Variants in DOCK5 observed in about 807,000 individuals in gnomAD.
The protein encoded by DOCK5 is dedicator of cytokinesis protein 5.
DOCK5 carries 142 observed loss-of-function variants against 251.8 expected under a neutral mutation model. That is an observed-to-expected ratio of 0.56 (90% CI 0.49 to 0.65). DOCK5 has a LOEUF of 0.65. Among genes scored for constraint, DOCK5 ranks in the 30% least tolerant of loss-of-function variants. The pLI is 0.00. For missense variants in DOCK5, 2,111 were observed against 2,312.3 expected (o/e 0.91, Z 1.79); for synonymous variants, 842 against 835.5 (o/e 1.01, Z -0.13).
chr8:25,213,684 A>C (rs1802159582), intron 1 of DOCK5, among the ~76,000 whole-genome samples: 2 of 152,242 alleles, frequency 1.3e-5, no homozygotes, highest in African/African-American at 4.8e-5. Flanking sequence ...GAAAAGCAGT[A>C]ATGCAAATTA....
intron 1 of DOCK5, among the ~76,000 whole-genome samples, chr8:25,206,042 G>A (rs1429781188): frequency 6.6e-6 from 1 of 152,198 alleles, no homozygotes; most frequent in East Asian, 1.9e-4. Flanking sequence ...GGTTATTGGA[G>A]TTTAGAGAAG....
intron 27 of DOCK5, among the ~76,000 whole-genome samples, chr8:25,353,840 A>G (rs1473168553): frequency 1.3e-5 from 2 of 151,968 alleles, no homozygotes; most frequent in Non-Finnish European, 1.5e-5. Flanking sequence ...CCTGGCCAAC[A>G]TGGTGAAACT....
chr8:25,374,776 G>T, intron 37 of DOCK5, 122 bp downstream of exon 37: 1 of 1,583,608 alleles, frequency 6.3e-7, no homozygotes. Flanking sequence ...TTTTATACAA[G>T]TTTTTTTAGT....
intron 23 of DOCK5, 31 bp from the exon 24 acceptor site, chr8:25,341,708 A>C: frequency 5.2e-6 from 8 of 1,551,280 alleles, no homozygotes; most frequent in Non-Finnish European, 7.0e-6. Context: ...TTGCCTGGCA[A>C]CTGAATTTGC....
chr8:25,295,004 C>T (rs754653885), intron 6 of DOCK5, among the ~76,000 whole-genome samples: 2 of 152,186 alleles, frequency 1.3e-5, no homozygotes, highest in Admixed American at 1.3e-4. Context: ...CCAGGCCCCA[C>T]TTCCAACATT....
intron 14 of DOCK5, among the ~76,000 whole-genome samples, chr8:25,318,697 T>C (rs1326083716): frequency 1.3e-5 from 2 of 149,112 alleles, no homozygotes; most frequent in Non-Finnish European, 3.0e-5. Flanking sequence ...TCAAAGAGGA[T>C]AGGCAGGAGG....
intron 9 of DOCK5, among the ~76,000 whole-genome samples, chr8:25,301,189 G>A (rs1369439324): frequency 1.3e-5 from 2 of 152,266 alleles, no homozygotes; most frequent in East Asian, 1.9e-4. Context: ...TATAGAGTTC[G>A]GTACTGTCTT....
At chr8:25,275,844 AT>A (rs1804032710) in intron 4 of DOCK5, among the ~76,000 whole-genome samples, 1 of 152,170 alleles carries the variant, frequency 6.6e-6, no homozygotes. Flanking sequence ...TCAAAAAAAA[AT>A]AAAATTAAAA....
chr8:25,226,617 G>A (rs569831114), intron 1 of DOCK5, among the ~76,000 whole-genome samples: 1 of 145,012 alleles, frequency 6.9e-6, no homozygotes, highest in Non-Finnish European at 1.5e-5. Context: ...AGAGAGTCTC[G>A]CTGTGTTCCC....
chr8:25,207,676 T>C (rs1009721218), intron 1 of DOCK5, among the ~76,000 whole-genome samples: 1 of 152,204 alleles, frequency 6.6e-6, no homozygotes, highest in Non-Finnish European at 1.5e-5. Flanking sequence ...AAAAAGAAGA[T>C]TCCTTGATTC....
intron 31 of DOCK5, 43 bp downstream of exon 31, chr8:25,367,013 C>A: frequency 6.7e-7 from 1 of 1,501,806 alleles, no homozygotes; most frequent in Non-Finnish European, 9.2e-7. Context: ...GGGCTTCTTC[C>A]ATTTGTTTAC....
In DOCK5 at chr8:25,351,840, TG is replaced by T. The variant is rs765824216; in HGVS notation, c.2850+15del. On this transcript the variant is annotated intron_variant, in intron 27 of 51. Transcript: ENST00000276440. Reference sequence around the variant, plus strand: ...TCTCCCCACATCGTGAGTATCTCTTTGTTGGATCCCACGGCCGCTGCTGTTT... The same window carrying T: ...TCTCCCCACATCGTGAGTATCTCTTTTTGGATCCCACGGCCGCTGCTGTTT... 1.9e-6 allele frequency: 3 copies of T among 1,610,510 alleles called. No homozygotes were observed. Among genetic ancestry groups the T allele is most frequent in the Non-Finnish European group, 2.5e-6 (3 of 1,177,394 alleles).
chr8:25,346,142 G>A lies in DOCK5; in HGVS notation c.2754+531G>A, dbSNP rs182529430. Among the ~76,000 whole-genome samples, 179 of 148,342 alleles carry A rather than the reference G, an allele frequency of 1.2e-3. 1 individual carries two copies. Among genetic ancestry groups the A allele is most frequent in the African/African-American group, 3.9e-3 (158 of 40,750 alleles). ...TGGGATTACAGGCATGAGCCATCGC[G>A]CCCAGCCCCTGTGACTATTCTTAAG... On this transcript the variant is annotated intron_variant, in intron 26 of 51. Coordinates refer to ENST00000276440, the MANE Select transcript of DOCK5 (RefSeq NM_024940.8).
chr8:25,186,237 C>T (rs1429608626), intron 1 of DOCK5, among the ~76,000 whole-genome samples: 1 of 151,682 alleles, frequency 6.6e-6, no homozygotes, highest in African/African-American at 2.4e-5. Flanking sequence ...TTTTGTTTTC[C>T]CTCAATTCAA....
At chr8:25,373,788 T>C in intron 36 of DOCK5, 130 bp downstream of exon 36, 2 of 819,760 alleles carry the variant, frequency 2.4e-6, no homozygotes, top group South Asian at 3.4e-5. Context: ...CATGATACGC[T>C]CCATTCACCC....
chr8:25,199,233 G>C lies in DOCK5; in HGVS notation c.43+14282G>C, dbSNP rs146750832. The stretch of plus-strand genomic sequence containing the variant: ...GAAAGGGTCATGTATTGCTAATAAA[G>C]GATTATGTTAGTAACCTGGATGTGA... On this transcript the variant is annotated intron_variant, in intron 1 of 51. Transcript: ENST00000276440. Among the ~76,000 whole-genome samples the C allele has an allele frequency of 4.1e-3, 619 of 152,242 alleles. 5 individuals carry two copies. Among genetic ancestry groups the C allele is most frequent in the African/African-American group, 0.013 (560 of 41,532 alleles).
chr8:25,193,620 T>C (rs1295279172), intron 1 of DOCK5, among the ~76,000 whole-genome samples: 1 of 151,784 alleles, frequency 6.6e-6, no homozygotes. Flanking sequence ...AAAAATTAGC[T>C]GGGCATGGTA....
intron 2 of DOCK5, among the ~76,000 whole-genome samples, chr8:25,259,050 G>A (rs1051551761): frequency 6.6e-6 from 1 of 152,158 alleles, no homozygotes; most frequent in Non-Finnish European, 1.5e-5. Context: ...GCCCGGGGGG[G>A]CGGAGGTTGC....
intron 7 of DOCK5, among the ~76,000 whole-genome samples, chr8:25,297,437 T>A (rs770154181): frequency 2.0e-5 from 3 of 152,116 alleles, no homozygotes; most frequent in Admixed American, 2.0e-4. Flanking sequence ...TTTGTATTTT[T>A]AGTAGAGACT....
Sources: allele counts gnomAD v4.1 joint callset (sites outside exome capture counted in the v4.1 genomes callset), GRCh38; gene constraint gnomAD v4.1.1; transcripts MANE v1.5; gene names NCBI Gene and HGNC (gene_info 2026-07-23, HGNC 2026-07-21).